The following GPHN variants were observed in gnomAD, a reference collection of about 807,000 sequenced individuals.
GPHN encodes the protein gephyrin.
In GPHN, 17 loss-of-function variants were observed where a neutral mutation model predicts 95.5. That is an observed-to-expected ratio of 0.18 (90% CI 0.12 to 0.27). The LOEUF is 0.27. Ranked by LOEUF, GPHN falls within the 10% of genes least tolerant of loss-of-function variation. The pLI is 1.00. For missense variants in GPHN, 660 were observed against 978.1 expected, an observed-to-expected ratio of 0.67 and a Z score of 4.34; for synonymous variants, 320 against 322.5, an observed-to-expected ratio of 0.99 and a Z score of 0.08.
intron 9 of GPHN, among the ~76,000 whole-genome samples, chr14:67,004,484 ATTTTT>A (rs1567202621): frequency 6.6e-6 from 1 of 151,794 alleles, no homozygotes; most frequent in South Asian, 2.1e-4. Flanking sequence ...AATATTGTCC[ATTTTT>A]TAAAAAATCA....
chr14:66,589,404 A>G (rs948578212), intron 1 of GPHN, among the ~76,000 whole-genome samples: 5 of 152,208 alleles, frequency 3.3e-5, no homozygotes, highest in African/African-American at 4.8e-5. Flanking sequence ...TTAAATGTAA[A>G]CAGGCTAAAT....
chr14:67,718,506 C>T, the GPHN span, among the ~76,000 whole-genome samples: 1 of 152,216 alleles, frequency 6.6e-6, no homozygotes, highest in South Asian at 2.1e-4. Flanking sequence ...CTCCACACAT[C>T]CCTGCCTCAG....
At chr14:67,172,024 A>G (rs1391832910) in intron 21 of GPHN, among the ~76,000 whole-genome samples, 3 of 152,318 alleles carry the variant, frequency 2.0e-5, no homozygotes, top group South Asian at 4.1e-4. Context: ...AAAGGAGTCA[A>G]CGCTATGCTC....
the GPHN span, chr14:67,674,593 C>G: frequency 1.1e-6 from 1 of 894,232 alleles, no homozygotes; most frequent in East Asian, 3.2e-5. Context: ...CGGCGACCGC[C>G]GCACCACCGC....
the GPHN span, among the ~76,000 whole-genome samples, chr14:67,457,094 A>C: frequency 0.25 from 37,972 of 152,038 alleles, 5,100 homozygotes; most frequent in African/African-American, 0.34. Flanking sequence ...ACATGGACAT[A>C]AAGAAGGGAA....
the GPHN span, among the ~76,000 whole-genome samples, chr14:67,666,895 C>A: frequency 3.9e-5 from 6 of 152,316 alleles, no homozygotes; most frequent in African/African-American, 1.4e-4. Flanking sequence ...TAGCCTTTAA[C>A]AACTGGTAAA....
chr14:66,516,087 A>G (rs1434369368), intron 1 of GPHN, among the ~76,000 whole-genome samples: 1 of 151,448 alleles, frequency 6.6e-6, no homozygotes, highest in Non-Finnish European at 1.5e-5. Context: ...GCTTGCTGCA[A>G]CCTCTGCCTC....
chr14:67,220,166 C>T, the GPHN span, among the ~76,000 whole-genome samples: 1 of 152,128 alleles, frequency 6.6e-6, no homozygotes, highest in Non-Finnish European at 1.5e-5. Flanking sequence ...CTGCGTGCAA[C>T]GGCTCATGCC....
At chr14:67,404,320 T>C in the GPHN span, among the ~76,000 whole-genome samples, 1 of 152,122 alleles carries the variant, frequency 6.6e-6, no homozygotes, top group African/African-American at 2.4e-5. Flanking sequence ...TTACTCATAT[T>C]ACTTCATATG....
chr14:66,818,569 G>T (rs2061071495), intron 3 of GPHN, among the ~76,000 whole-genome samples: 1 of 152,080 alleles, frequency 6.6e-6, no homozygotes, highest in South Asian at 2.1e-4. Context: ...ACATACATGT[G>T]CATGTGTCTT....
intron 1 of GPHN, among the ~76,000 whole-genome samples, chr14:66,521,014 T>C (rs2058462423): frequency 2.0e-5 from 3 of 152,122 alleles, no homozygotes. Flanking sequence ...CCATCCATGT[T>C]CCCACAAAAG....
At chr14:67,421,285 C>T in the GPHN span, among the ~76,000 whole-genome samples, 7,160 of 152,190 alleles carry the variant, frequency 0.047, 764 homozygotes, top group East Asian at 0.37. Flanking sequence ...TTAGAAAGCA[C>T]CTGGGCATGG....
chr14:66,660,764 C>T (rs1264584682), intron 1 of GPHN, among the ~76,000 whole-genome samples: 3 of 152,092 alleles, frequency 2.0e-5, no homozygotes, highest in African/African-American at 4.8e-5. Context: ...ATCAGGGAAA[C>T]AACTCAACCC....
intron 12 of GPHN, among the ~76,000 whole-genome samples, chr14:67,090,906 A>G (rs1347062394): frequency 6.6e-6 from 1 of 151,980 alleles, no homozygotes; most frequent in Non-Finnish European, 1.5e-5. Flanking sequence ...TAAGAATTAT[A>G]TTAAAAATTA....
At chr14:66,676,055 C>CAT (rs143703117) in intron 1 of GPHN, among the ~76,000 whole-genome samples, 189 of 150,298 alleles carry the variant, frequency 1.3e-3, no homozygotes, top group Admixed American at 2.0e-3. Context: ...GTTACACACA[C>CAT]ATATATATAT....
the GPHN span, among the ~76,000 whole-genome samples, chr14:67,563,941 G>T: frequency 1.4e-5 from 2 of 146,974 alleles, no homozygotes; most frequent in African/African-American, 5.1e-5. Flanking sequence ...TTGCTCTGTT[G>T]CCCAGGCTGG....
the GPHN span, among the ~76,000 whole-genome samples, chr14:67,300,962 G>A: frequency 1.3e-5 from 2 of 152,048 alleles, no homozygotes; most frequent in Non-Finnish European, 2.9e-5. Context: ...AAAGTGCTGG[G>A]ATTACAGGTG....
the GPHN span, among the ~76,000 whole-genome samples, chr14:67,548,608 A>G: frequency 6.6e-6 from 1 of 152,294 alleles, no homozygotes; most frequent in African/African-American, 2.4e-5. Context: ...GAGGCAGGAG[A>G]ATCACTTGAA....
rs140690135 is a variant in GPHN at position 66,795,265 on chromosome 14, T to C, written c.201+18744T>C. ...TGGTATGCTAATGCTACAACCAGTCTATTTTGCTTGGTGCTTTCATGATAA... is the reference window on the plus strand; with the variant it reads ...TGGTATGCTAATGCTACAACCAGTCCATTTTGCTTGGTGCTTTCATGATAA... On this transcript the variant is annotated intron_variant, in intron 3 of 22. Coordinates refer to ENST00000478722, the MANE Select transcript of GPHN (RefSeq NM_020806.5). 3.0e-3 allele frequency among the ~76,000 whole-genome samples: 455 copies of C among 152,264 alleles called. 3 individuals are homozygous for C. The highest frequency in any genetic ancestry group is 0.011 in the African/African-American group (437 of 41,550).
Sources: allele counts gnomAD v4.1 joint callset (sites outside exome capture counted in the v4.1 genomes callset), GRCh38; gene constraint gnomAD v4.1.1; transcripts MANE v1.5; gene names NCBI Gene and HGNC (gene_info 2026-07-23, HGNC 2026-07-21).